ARHGEF11: variants seen among roughly 807,000 people sequenced by gnomAD.
ARHGEF11 encodes the protein Rho guanine exchange factor (GEF) 11.
A neutral mutation model predicts 193.7 loss-of-function variants in ARHGEF11; 55 were observed. The ratio of observed to expected loss-of-function variants is 0.28; its 90% CI spans 0.23 to 0.36. The LOEUF is 0.36. Among genes scored for constraint, ARHGEF11 ranks in the 10% least tolerant of loss-of-function variants. The probability of loss-of-function intolerance (pLI) is 1.00; values close to 1 mark genes in which losing one functional copy is unlikely to be tolerated. For missense variants in ARHGEF11, 1,723 were observed against 2,005.6 expected, an observed-to-expected ratio of 0.86 and a Z score of 2.69; for synonymous variants, 693 against 768.0, an observed-to-expected ratio of 0.90 and a Z score of 1.62.
chr1:157,028,527 A>G (rs1485924122), intron 1 of ARHGEF11, among the ~76,000 whole-genome samples: 2 of 152,216 alleles, frequency 1.3e-5, no homozygotes, highest in Non-Finnish European at 2.9e-5. Context: ...TAGAGCCCTA[A>G]AAGAGTGACC....
chr1:157,015,420 A>G (rs868156847), intron 1 of ARHGEF11, among the ~76,000 whole-genome samples: 8 of 152,214 alleles, frequency 5.3e-5, no homozygotes, highest in African/African-American at 1.4e-4. Context: ...TGCCTGGTAC[A>G]TAAGTACTAT....
chr1:156,983,361 A>G (rs1664470652), intron 3 of ARHGEF11, among the ~76,000 whole-genome samples: 1 of 152,156 alleles, frequency 6.6e-6, no homozygotes, highest in Non-Finnish European at 1.5e-5. Flanking sequence ...AGCTGGGACT[A>G]CAGGCGCCTG....
intron 1 of ARHGEF11, among the ~76,000 whole-genome samples, chr1:157,011,993 G>A (rs910856663): frequency 6.6e-6 from 1 of 152,076 alleles, no homozygotes. Flanking sequence ...ATACCCAAGA[G>A]AAGTGAAAAG....
In ARHGEF11 at chr1:157,045,081, A is replaced by C. The variant is rs1673182630; in HGVS notation, c.-751T>G. 6.6e-6 allele frequency: 1 copy of C among 152,062 alleles called. No individual in the cohort carries two copies. Among genetic ancestry groups the C allele is most frequent in the African/African-American group, 2.4e-5 (1 of 41,404 alleles). The allele number at this position is 152,062 out of a possible 1,614,324, so 9.4% of individuals were successfully genotyped here. ...TTCTTAAATGAGCCAATTGCACCAA[A>C]AAAAAAAATAAAATAAAAATCAAAG... On this transcript the variant is annotated 5_prime_UTR_variant, in exon 1 of 41. Coordinates refer to ENST00000368194, the MANE Select transcript of ARHGEF11 (RefSeq NM_198236.3).
At chr1:157,029,783 C>A (rs963203895) in intron 1 of ARHGEF11, among the ~76,000 whole-genome samples, 5 of 152,158 alleles carry the variant, frequency 3.3e-5, no homozygotes, top group African/African-American at 1.2e-4. Flanking sequence ...AAAAAGTAGT[C>A]TATCCATACA....
At chr1:156,952,765 A>C (rs1234450948) in intron 21 of ARHGEF11, among the ~76,000 whole-genome samples, 5 of 152,268 alleles carry the variant, frequency 3.3e-5, no homozygotes, top group Admixed American at 3.3e-4. Flanking sequence ...AAACTGTGTA[A>C]GTAGCTGTGG....
chr1:157,045,840 C>CCTCCTTCCCTGCGAGCCTTT (rs1239375081), upstream of ARHGEF11, among the ~76,000 whole-genome samples: 2 of 151,290 alleles, frequency 1.3e-5, no homozygotes, highest in South Asian at 2.1e-4. Context: ...CCCTTCCCTC[C>CCTCCTTCCCTGCGAGCCTTT]CTCCTTCCCT....
At chr1:156,961,543 A>G in intron 14 of ARHGEF11, 134 bp downstream of exon 14, 3 of 727,384 alleles carry the variant, frequency 4.1e-6, no homozygotes, top group Non-Finnish European at 2.3e-6. Context: ...GAATCCAGGA[A>G]TATTAATCTC....
chr1:156,966,659 A>T (rs978707921), intron 11 of ARHGEF11, among the ~76,000 whole-genome samples: 1 of 152,240 alleles, frequency 6.6e-6, no homozygotes, highest in African/African-American at 2.4e-5. Context: ...ATTAAATAAT[A>T]CTGGCTCATA....
rs1557801598 is a variant in ARHGEF11 at position 156,934,967 on chromosome 1, T to TA, written c.*1032_*1033insT. The TA allele has an allele frequency of 1.4e-5, 2 of 147,132 alleles. No homozygotes were observed. The highest frequency in any genetic ancestry group is 5.0e-5 in the African/African-American group (2 of 40,378). The allele number at this position is 147,132 out of a possible 1,614,324, so 9.1% of individuals were successfully genotyped here. Reference sequence around the variant, plus strand: ...TATATTTTATATATTATATATATATTTATATATATATATATGTATATATAC... The same window carrying TA: ...TATATTTTATATATTATATATATATTATATATATATATATATGTATATATAC... On this transcript the variant is annotated 3_prime_UTR_variant, in exon 41 of 41. Transcript: ENST00000368194.
chr1:157,018,945 CCTCAA>C (rs745916391), intron 1 of ARHGEF11, among the ~76,000 whole-genome samples: 46 of 152,192 alleles, frequency 3.0e-4, no homozygotes, highest in Admixed American at 7.8e-4. Context: ...AATAAATTAA[CCTCAA>C]CTCTTCTCTC....
intron 21 of ARHGEF11, among the ~76,000 whole-genome samples, chr1:156,954,326 G>A (rs1659578384): frequency 7.8e-6 from 1 of 128,150 alleles, no homozygotes; most frequent in African/African-American, 2.9e-5. Context: ...TTTGTAGTGA[G>A]GCAAGATCAC....
At chr1:156,997,168 C>T (rs1666640044) in intron 1 of ARHGEF11, among the ~76,000 whole-genome samples, 1 of 152,054 alleles carries the variant, frequency 6.6e-6, no homozygotes, top group Non-Finnish European at 1.5e-5. Flanking sequence ...CATGCCCAGC[C>T]AGGAACCTCT....
At chr1:156,972,601 C>T (rs539477335) in intron 7 of ARHGEF11, among the ~76,000 whole-genome samples, 1 of 152,316 alleles carries the variant, frequency 6.6e-6, no homozygotes, top group African/African-American at 2.4e-5. Flanking sequence ...ATTGGGTTCA[C>T]ATATTATCTA....
intron 1 of ARHGEF11, among the ~76,000 whole-genome samples, chr1:157,032,608 T>TA (rs1380496080): frequency 6.6e-6 from 1 of 152,156 alleles, no homozygotes; most frequent in Non-Finnish European, 1.5e-5. Context: ...ATTAAAGTCC[T>TA]ACCTGACAGG....
intron 7 of ARHGEF11, among the ~76,000 whole-genome samples, chr1:156,974,318 T>C (rs1329221354): frequency 1.3e-5 from 2 of 152,168 alleles, no homozygotes; most frequent in Non-Finnish European, 2.9e-5. Context: ...TCTTCCCACT[T>C]TGGCTTCCCA....
chr1:156,940,096 A>C, intron 36 of ARHGEF11, 111 bp downstream of exon 36: 1 of 1,419,184 alleles, frequency 7.0e-7, no homozygotes, highest in African/African-American at 1.4e-5. Flanking sequence ...ATCTCTCCTC[A>C]AGCACACCAG....
intron 1 of ARHGEF11, among the ~76,000 whole-genome samples, chr1:157,031,655 G>A (rs1277714905): frequency 3.3e-5 from 5 of 152,152 alleles, no homozygotes; most frequent in African/African-American, 7.2e-5. Flanking sequence ...CGAAGGTCAG[G>A]GGGCTCTCAG....
At chr1:156,992,926 A>G (rs988827735) in intron 1 of ARHGEF11, among the ~76,000 whole-genome samples, 15 of 152,180 alleles carry the variant, frequency 9.9e-5, no homozygotes, top group Non-Finnish European at 1.9e-4. Context: ...AAATAACATC[A>G]CGTCCTTTCC....
Sources: allele counts gnomAD v4.1 joint callset (sites outside exome capture counted in the v4.1 genomes callset), GRCh38; gene constraint gnomAD v4.1.1; transcripts MANE v1.5; gene names NCBI Gene and HGNC (gene_info 2026-07-23, HGNC 2026-07-21).